SAMD8: variants seen among roughly 807,000 people sequenced by gnomAD.
SAMD8 encodes sterile alpha motif domain containing 8, also known as sphingomyelin synthase-related protein 1.
SAMD8 carries 20 observed loss-of-function variants against 42.0 expected under a neutral mutation model. The observed-to-expected ratio is 0.48, with a 90% CI of 0.34 to 0.69. SAMD8 has a LOEUF of 0.69. Ranked by LOEUF, SAMD8 falls within the 30% of genes least tolerant of loss-of-function variation. The pLI is 0.01. For synonymous variants in SAMD8, 162 were observed against 173.0 expected, an observed-to-expected ratio of 0.94 and a Z score of 0.50; for missense variants, 328 against 511.6, an observed-to-expected ratio of 0.64 and a Z score of 3.46.
At chr10:75,123,399 CCT>C (rs1849052263) in intron 1 of SAMD8, among the ~76,000 whole-genome samples, 1 of 152,128 alleles carries the variant, frequency 6.6e-6, no homozygotes, top group South Asian at 2.1e-4. Flanking sequence ...CAAATGGACT[CCT>C]CTGACAGCAT....
chr10:75,133,696 A>G (rs1849323379), intron 1 of SAMD8, among the ~76,000 whole-genome samples: 2 of 152,348 alleles, frequency 1.3e-5, no homozygotes, highest in South Asian at 4.1e-4. Flanking sequence ...ATTAAGTGAA[A>G]TTAGCCAGGC....
At position 75,151,226 on chromosome 10, in the gene SAMD8, T is replaced by G. The variant is rs1840281147; in HGVS notation, c.578+120T>G. On this transcript the variant is annotated intron_variant, in intron 2 of 5. Coordinates refer to ENST00000542569, the MANE Select transcript of SAMD8 (RefSeq NM_001174156.2). ...GGTAGATGTATACTTTCCATTTGCT[T>G]TATCTGGCGGTATAAAATGCTTTGA... 11 of 505,724 alleles carry G rather than the reference T, an allele frequency of 2.2e-5. No homozygotes were observed. The East Asian group carries it at 3.8e-4, about 17-fold the overall frequency. The allele number at this position is 505,724 out of a possible 1,614,324, so 31.3% of individuals were successfully genotyped here.
chr10:75,175,366 C>T (rs142900768), intron 4 of SAMD8, among the ~76,000 whole-genome samples: 2 of 152,026 alleles, frequency 1.3e-5, no homozygotes, highest in African/African-American at 2.4e-5. Context: ...CATTGATCTC[C>T]GTCTGTCATA....
chr10:75,120,565 G>A (rs570024471), intron 1 of SAMD8, among the ~76,000 whole-genome samples: 265 of 152,106 alleles, frequency 1.7e-3, no homozygotes, highest in African/African-American at 6.0e-3. Flanking sequence ...CACCGCGCCC[G>A]GCCAGCGTCA....
At chr10:75,132,533 G>C (rs1849295661) in intron 1 of SAMD8, among the ~76,000 whole-genome samples, 1 of 152,066 alleles carries the variant, frequency 6.6e-6, no homozygotes, top group African/African-American at 2.4e-5. Context: ...GTGACCCTGT[G>C]TTATCTCTTG....
upstream of SAMD8, chr10:75,111,511 G>C (rs1315592801): frequency 8.1e-7 from 1 of 1,229,300 alleles, no homozygotes; most frequent in Non-Finnish European, 1.0e-6. Context: ...GTTCGGCTCC[G>C]AGCAGCTGCC....
At chr10:75,107,991 C>T (rs765217425), upstream of SAMD8, 10 of 1,610,312 alleles carry the variant, frequency 6.2e-6, no homozygotes, top group Non-Finnish European at 8.5e-6. Context: ...CCAAGTCCTA[C>T]CCCCAGGCGT....
intron 2 of SAMD8, among the ~76,000 whole-genome samples, chr10:75,158,159 CA>C (rs562595597): frequency 9.3e-5 from 10 of 107,058 alleles, no homozygotes; most frequent in South Asian, 2.8e-4. Context: ...AACTCTGTCT[CA>C]AAAAAAAAAG....
intron 1 of SAMD8, among the ~76,000 whole-genome samples, chr10:75,143,230 C>T (rs1255861716): frequency 6.6e-6 from 1 of 152,166 alleles, no homozygotes; most frequent in Non-Finnish European, 1.5e-5. Context: ...TCTCTTGAAC[C>T]CAGAGGCAGA....
chr10:75,179,677 C>A lies in SAMD8; in HGVS notation c.*2985C>A, dbSNP rs551818273. The stretch of plus-strand genomic sequence containing the variant: ...TTTTCAGTTTTACTTAAACATGAAA[C>A]CTGTATTTTAGTTGCTTTTTGTTTT... On this transcript the variant is annotated 3_prime_UTR_variant, in exon 6 of 6. Transcript: ENST00000542569. 2.0e-5 allele frequency: 3 copies of A among 152,194 alleles called. No homozygotes were observed. Among genetic ancestry groups the A allele is most frequent in the African/African-American group, 7.2e-5 (3 of 41,532 alleles). 9.4% of individuals were successfully genotyped at this position (152,194 alleles called of 1,614,324 possible).
At chr10:75,149,128 G>GA (rs1840220338) in intron 1 of SAMD8, among the ~76,000 whole-genome samples, 3 of 152,062 alleles carry the variant, frequency 2.0e-5, no homozygotes, top group Admixed American at 6.6e-5. Context: ...CAGAGGTCTG[G>GA]AAAGTGTCAG....
chr10:75,138,623 A>C (rs1174850667), intron 1 of SAMD8, among the ~76,000 whole-genome samples: 1 of 152,232 alleles, frequency 6.6e-6, no homozygotes, highest in Non-Finnish European at 1.5e-5. Context: ...ATAAGAATAT[A>C]ATAGAAAATA....
intron 4 of SAMD8, among the ~76,000 whole-genome samples, chr10:75,171,855 T>C (rs996551686): frequency 1.3e-5 from 2 of 151,902 alleles, no homozygotes; most frequent in African/African-American, 4.8e-5. Flanking sequence ...TGAAACCCCA[T>C]CTCTACTAAA....
intron 1 of SAMD8, chr10:75,101,793 G>T: frequency 1.1e-5 from 7 of 654,750 alleles, no homozygotes; most frequent in Non-Finnish European, 1.5e-5. Context: ...ACAGGCACAA[G>T]TGTCCTGGCC....
At chr10:75,162,159 G>A (rs1840571946) in intron 2 of SAMD8, among the ~76,000 whole-genome samples, 2 of 152,128 alleles carry the variant, frequency 1.3e-5, no homozygotes, top group East Asian at 3.9e-4. Flanking sequence ...AGCAGTTTGA[G>A]ACCGGCCTAG....
chr10:75,174,624 G>GA (rs1840947985), intron 4 of SAMD8, among the ~76,000 whole-genome samples: 1 of 97,828 alleles, frequency 1.0e-5, no homozygotes, highest in Admixed American at 1.2e-4. Flanking sequence ...TAGTAGAGAT[G>GA]GGTTTTCCAT....
At chr10:75,129,992 CAG>C (rs1156483319) in intron 1 of SAMD8, among the ~76,000 whole-genome samples, 1 of 151,866 alleles carries the variant, frequency 6.6e-6, no homozygotes, top group African/African-American at 2.4e-5. Context: ...TTGGAGGAAA[CAG>C]AAATAAAATA....
At position 75,101,934 on chromosome 10, in the gene SAMD8, G is replaced by A. The variant is rs566253705; in HGVS notation, c.-16+2206G>A. The A allele has an allele frequency of 1.8e-5, 25 of 1,367,694 alleles. No homozygotes were observed. Among genetic ancestry groups the A allele is most frequent in the Middle Eastern group, 2.1e-4 (1 of 4,726 alleles). 84.7% of individuals were successfully genotyped at this position (1,367,694 alleles called of 1,614,324 possible). A position where few individuals can be genotyped will look rare whatever the true frequency, so the allele number is the denominator to read the frequency against. On this transcript the variant is annotated intron_variant, in intron 1 of 3. Coordinates refer to the SAMD8 transcript ENST00000447533. ...CAGTTCGTGCTGCTGGCTTTCAGCCGCCTGTCTCCGCACACTTGATGCTGT... is the reference window on the plus strand; with the variant it reads ...CAGTTCGTGCTGCTGGCTTTCAGCCACCTGTCTCCGCACACTTGATGCTGT...
chr10:75,108,633 G>C (rs150673788), upstream of SAMD8, among the ~76,000 whole-genome samples: 1,101 of 152,286 alleles, frequency 7.2e-3, 11 homozygotes, highest in African/African-American at 0.024. Context: ...CTTCAGTCAG[G>C]CTTCTCCACC....
Sources: allele counts gnomAD v4.1 joint callset (sites outside exome capture counted in the v4.1 genomes callset), GRCh38; gene constraint gnomAD v4.1.1; transcripts MANE v1.5; gene names NCBI Gene and HGNC (gene_info 2026-07-23, HGNC 2026-07-21).